TMEM63A: variants seen among roughly 807,000 people sequenced by gnomAD.
The protein encoded by TMEM63A is mechanosensitive cation channel TMEM63A.
A neutral mutation model predicts 100.6 loss-of-function variants in TMEM63A; 76 were observed. The ratio of observed to expected loss-of-function variants is 0.76; its 90% CI spans 0.63 to 0.91. The LOEUF is 0.91. Among genes scored for constraint, TMEM63A ranks in the 40% least tolerant of loss-of-function variants. The probability of loss-of-function intolerance (pLI) is 0.00; values close to 1 mark genes in which losing one functional copy is unlikely to be tolerated. For synonymous variants in TMEM63A, 401 were observed against 401.1 expected, an observed-to-expected ratio of 1.00 and a Z score of 0.00; for missense variants, 876 against 1,008.8, an observed-to-expected ratio of 0.87 and a Z score of 1.78.
In TMEM63A at chr1:225,867,275, A is replaced by G; in HGVS notation, c.515-112T>C. ...TGGGGAGGAGGAGCATGTCTGGACC[A>G]GCAGGAAGACAACGTCTGACTGGTC... On this transcript the variant is annotated intron_variant, in intron 7 of 24. Transcript: ENST00000366835. This position sits in a 1 kb window ranked among gnomAD's most constrained non-coding sequence, Gnocchi z 4.6. 9.0e-7 allele frequency: 1 copy of G among 1,106,234 alleles called. No individual in the cohort carries two copies. The highest frequency in any genetic ancestry group is 1.4e-6 in the Non-Finnish European group (1 of 721,332). The allele number at this position is 1,106,234 out of a possible 1,614,324, so 68.5% of individuals were successfully genotyped here.
Position 225,853,981 on chromosome 1 carries a change from T to C in TMEM63A, c.1635-190A>G, listed in dbSNP as rs1669486401. On this transcript the variant is annotated intron_variant, in intron 18 of 24. Transcript: ENST00000366835. This position sits in a 1 kb window ranked among gnomAD's most constrained non-coding sequence, Gnocchi z 4.0. ...GGCACTGAGAATAGAACAAAGCCCC[T>C]GCGCCACTCTCTTGAAGTTCACATT... 6.6e-6 allele frequency among the ~76,000 whole-genome samples: 1 copy of C among 152,168 alleles called. No individual in the cohort carries two copies. Among genetic ancestry groups the C allele is most frequent in the Non-Finnish European group, 1.5e-5 (1 of 68,032 alleles).
Position 225,865,836 on chromosome 1 carries a change from G to T in TMEM63A, c.746+61C>A. ...CTCACCTAAGGTGCTCGCCCTGCGG[G>T]TGGGGCTGTGTTGGTCCTACGTGGA... is the stretch of plus-strand genomic sequence containing the variant. On this transcript the variant is annotated intron_variant, in intron 10 of 24. Coordinates refer to ENST00000366835, the MANE Select transcript of TMEM63A (RefSeq NM_014698.3). The surrounding 1 kb of genome is among the most constrained non-coding windows in gnomAD (Gnocchi z 4.6). 1 of 1,572,706 alleles carries T rather than the reference G, an allele frequency of 6.4e-7. No individual in the cohort carries two copies. The highest frequency in any genetic ancestry group is 8.7e-7 in the Non-Finnish European group (1 of 1,147,336).
Position 225,865,980 on chromosome 1 carries a change from T to C in TMEM63A, c.676-13A>G. 6.2e-7 allele frequency: 1 copy of C among 1,613,478 alleles called. No homozygotes were observed. Among genetic ancestry groups the C allele is most frequent in the South Asian group, 1.1e-5 (1 of 90,978 alleles). On this transcript the variant is annotated splice_polypyrimidine_tract_variant and intron_variant, in intron 9 of 24. Coordinates refer to ENST00000366835, the MANE Select transcript of TMEM63A (RefSeq NM_014698.3). This position sits in a 1 kb window ranked among gnomAD's most constrained non-coding sequence, Gnocchi z 4.6. ...GGGTCCGCCTCACCTGTCCGGGAAA[T>C]ACAGCAGGGAGAGAAGTCACCCACA...
downstream of TMEM63A, chr1:225,842,287 G>C (rs1215299285): frequency 1.3e-5 from 14 of 1,101,528 alleles, no homozygotes; most frequent in Non-Finnish European, 2.0e-5. Context: ...TCTGCGGCCA[G>C]TGCCACACAT....
In TMEM63A at chr1:225,882,331, C is replaced by T. The variant is rs1281381567; in HGVS notation, c.-233G>A. The T allele has an allele frequency of 6.6e-6, 1 of 152,622 alleles. No individual in the cohort carries two copies. The highest frequency in any genetic ancestry group is 2.4e-5 in the African/African-American group (1 of 41,474). 9.5% of individuals were successfully genotyped at this position (152,622 alleles called of 1,614,324 possible). ...GCGGCGGCGGCGTGTCTGGCGGGAC[C>T]CAGCAGCGCGGGGCGTGTTCCGACC... is the stretch of plus-strand genomic sequence containing the variant. On this transcript the variant is annotated 5_prime_UTR_variant, in exon 1 of 25. Coordinates refer to ENST00000366835, the MANE Select transcript of TMEM63A (RefSeq NM_014698.3).
intron 23 of TMEM63A, chr1:225,848,269 C>T (rs1669123912): frequency 7.1e-6 from 4 of 561,568 alleles, no homozygotes; most frequent in Non-Finnish European, 9.4e-6. Context: ...GGGGGATGGC[C>T]ATGAATCGAG....
At chr1:225,878,166 C>T (rs1421553838) in intron 2 of TMEM63A, among the ~76,000 whole-genome samples, 3 of 152,190 alleles carry the variant, frequency 2.0e-5, no homozygotes, top group African/African-American at 7.2e-5. Context: ...AGAGATGGGT[C>T]CATCTGCTAT....
intron 20 of TMEM63A, among the ~76,000 whole-genome samples, chr1:225,851,863 A>C (rs1470170639): frequency 6.6e-6 from 1 of 152,118 alleles, no homozygotes; most frequent in Non-Finnish European, 1.5e-5. Context: ...CAGATGTTTT[A>C]TTTCAGTGGC....
Position 225,848,518 on chromosome 1 carries a change from C to T in TMEM63A, c.2224G>A (p.Glu742Lys). The stretch of plus-strand genomic sequence containing the variant: ...GTGAACGGTGGGGGCATGTGGGCCT[C>T]TGCCTCACTTCCTTTGTCACTTGCA... Reference protein sequence around the residue: ...EPASDKGSEAEAHMPPPFTPY... With the variant: ...EPASDKGSEAKAHMPPPFTPY... Residue 742 changes from glutamate to lysine, a missense_variant, in exon 23 of 25, where the codon GAG becomes AAG. Around this residue, in one of 5 missense-constraint regions of TMEM63A, gnomAD observed 339 missense variants for 342.3 expected, o/e 0.99. Coordinates refer to ENST00000366835, the MANE Select transcript of TMEM63A (RefSeq NM_014698.3). 6.2e-7 allele frequency: 1 copy of T among 1,614,180 alleles called. No individual in the cohort carries two copies. Among genetic ancestry groups the T allele is most frequent in the South Asian group, 1.1e-5 (1 of 91,088 alleles).
At position 225,850,074 on chromosome 1, in the gene TMEM63A, T is replaced by C. The variant is rs201162140; in HGVS notation, c.1909A>G (p.Ile637Val). Reference sequence around the variant, plus strand: ...ACCATGTGCTTGAGCAGGATGTAGATGAGGCCTGCAGGGGATGGGGCTGTG... The same window carrying C: ...ACCATGTGCTTGAGCAGGATGTAGACGAGGCCTGCAGGGGATGGGGCTGTG... ...TCPIIAPFGL[I>V]YILLKHMVDR... is the part of the protein sequence containing the mutation. Residue 637 changes from isoleucine (I) to valine (V), a missense_variant, in exon 21 of 25, where the codon ATC becomes GTC. By Grantham distance (29) the Ile-to-Val change is conservative. Transcript: ENST00000366835. The C allele has an allele frequency of 1.4e-5, 23 of 1,614,124 alleles. No homozygotes were observed. The African/African-American group carries it at 2.9e-4, about 21-fold the overall frequency.
rs1405322540 is a variant in TMEM63A, at chr1:225,847,071, C to T, written c.2393G>A (p.Gly798Asp). The T allele has an allele frequency of 6.2e-7, 1 of 1,613,200 alleles. No individual in the cohort carries two copies. Among genetic ancestry groups the T allele is most frequent in the South Asian group, 1.1e-5 (1 of 91,016 alleles). ...CTCCTGGGGGGCAGCAGCCACACTGCCCGTGGCGCTCTGCGCCAAGCACTG... is the reference window on the plus strand; with the variant it reads ...CTCCTGGGGGGCAGCAGCCACACTGTCCGTGGCGCTCTGCGCCAAGCACTG... ...PGQCLAQSATGSVAAAPQEA is the reference protein window; with the variant it reads ...PGQCLAQSATDSVAAAPQEA Residue 798 changes from glycine to aspartate, a missense_variant, in exon 24 of 25, where the codon GGC becomes GAC. By Grantham distance (94) the Gly-to-Asp change is moderately conservative. Transcript: ENST00000366835.
intron 14 of TMEM63A, 24 bp downstream of exon 14, chr1:225,860,836 C>G: frequency 6.3e-7 from 1 of 1,580,984 alleles, no homozygotes; most frequent in Non-Finnish European, 8.6e-7. Flanking sequence ...CTCTCTCCCA[C>G]CTCTCCTTGG....
At chr1:225,869,809 C>T (rs929082200) in intron 6 of TMEM63A, among the ~76,000 whole-genome samples, 5 of 151,342 alleles carry the variant, frequency 3.3e-5, no homozygotes, top group Non-Finnish European at 7.4e-5. Context: ...ATTACAGGCA[C>T]CCGCCACCAA....
At chr1:225,861,196 C>A in intron 13 of TMEM63A, 199 bp from the exon 14 acceptor site, 1 of 463,372 alleles carries the variant, frequency 2.2e-6, no homozygotes, top group South Asian at 4.3e-5. Context: ...TCCTCGCAAC[C>A]ACCAGCAACA....
At chr1:225,854,589 T>G (rs1418315903) in intron 18 of TMEM63A, among the ~76,000 whole-genome samples, 3 of 152,142 alleles carry the variant, frequency 2.0e-5, no homozygotes, top group African/African-American at 7.2e-5. Context: ...GTAGCAGATT[T>G]GAGGGTAAAA....
At chr1:225,855,559 AC>A (rs1317927096) in intron 18 of TMEM63A, among the ~76,000 whole-genome samples, 2 of 152,164 alleles carry the variant, frequency 1.3e-5, no homozygotes, top group African/African-American at 2.4e-5. Flanking sequence ...CCCTGGCACC[AC>A]TGAGACCCAG....
intron 4 of TMEM63A, among the ~76,000 whole-genome samples, chr1:225,872,897 T>C (rs900310148): frequency 3.3e-5 from 5 of 152,044 alleles, no homozygotes; most frequent in African/African-American, 1.2e-4. Context: ...TTTCATCATC[T>C]TGGCCAGGCT....
chr1:225,865,597 T>A lies in TMEM63A; in HGVS notation c.746+300A>T, dbSNP rs547707858. The A allele has an allele frequency of 1.8e-4, 55 of 306,418 alleles. No homozygotes were observed. Among genetic ancestry groups the A allele is most frequent in the African/African-American group, 1.1e-3 (52 of 48,166 alleles). 19.0% of individuals were successfully genotyped at this position (306,418 alleles called of 1,614,324 possible). A position where few individuals can be genotyped will look rare whatever the true frequency, so the allele number is the denominator to read the frequency against. On this transcript the variant is annotated intron_variant, in intron 10 of 24. Transcript: ENST00000366835. The surrounding 1 kb of genome is among the most constrained non-coding windows in gnomAD (Gnocchi z 4.6). ...AAGAACCCCGGGGTCAACAATTTTT[T>A]CCCCCGTATGCTCTCAAGACGTTTA...
chr1:225,863,687 C>T (rs763255218), intron 10 of TMEM63A, among the ~76,000 whole-genome samples: 6 of 152,060 alleles, frequency 3.9e-5, no homozygotes, highest in African/African-American at 1.2e-4. Flanking sequence ...GAGGCTGAGC[C>T]GGGTGGATCA....
Sources: allele counts gnomAD v4.1 joint callset (sites outside exome capture counted in the v4.1 genomes callset), GRCh38; gene constraint gnomAD v4.1.1; regional missense constraint gnomAD v4.1.1; non-coding constraint Gnocchi (gnomAD v3.1); transcripts MANE v1.5; gene names NCBI Gene and HGNC (gene_info 2026-07-23, HGNC 2026-07-21).